Variants in SLC36A4 observed in about 807,000 individuals in gnomAD.
SLC36A4 encodes solute carrier family 36 member 4, also known as neutral amino acid uniporter 4.
Under a neutral mutation model 50.5 loss-of-function variants are expected in SLC36A4, and 49 were observed. That is an observed-to-expected ratio of 0.97 (90% CI 0.77 to 1.23). The LOEUF (loss-of-function observed/expected upper bound fraction) is 1.23. Ranked by LOEUF, SLC36A4 falls within the 50% of genes most tolerant of loss-of-function variation. SLC36A4 has a pLI of 0.00. For missense variants in SLC36A4, 611 were observed against 608.4 expected (o/e 1.00, Z -0.05); for synonymous variants, 207 against 206.5 (o/e 1.00, Z -0.02).
At chr11:93,159,589 C>A (rs1429902940) in intron 9 of SLC36A4, among the ~76,000 whole-genome samples, 1 of 152,130 alleles carries the variant, frequency 6.6e-6, no homozygotes, top group Non-Finnish European at 1.5e-5. Context: ...TTGCCAAGAG[C>A]CTCATCTCAT....
Position 93,188,929 on chromosome 11 carries a change from C to CCTT in SLC36A4, c.56-3118_56-3116dup, listed in dbSNP as rs570431880. On this transcript the variant is annotated intron_variant, in intron 1 of 10. Coordinates refer to ENST00000326402, the MANE Select transcript of SLC36A4 (RefSeq NM_152313.4). ...AGCTCTGTTCCAGGCAGGCCTCTCT[C>CCTT]CTTGGTTTATGGACAGTCATCTTCA... is the stretch of plus-strand genomic sequence containing the variant. Among the ~76,000 whole-genome samples, 660 of 152,184 alleles carry CCTT rather than the reference C, an allele frequency of 4.3e-3. 9 individuals carry two copies. Among genetic ancestry groups the CCTT allele is most frequent in the Non-Finnish European group, 4.8e-3 (327 of 67,998 alleles).
intron 6 of SLC36A4, among the ~76,000 whole-genome samples, chr11:93,179,354 T>A (rs896245683): frequency 6.6e-6 from 1 of 152,198 alleles, no homozygotes; most frequent in Non-Finnish European, 1.5e-5. Context: ...TTCATAAGGC[T>A]TGCTGTCTAG....
chr11:93,171,978 T>C (rs1861160972), intron 6 of SLC36A4: 1 of 152,154 alleles, frequency 6.6e-6, no homozygotes, highest in South Asian at 2.1e-4. Context: ...CATGGCTACT[T>C]GCTCTCGCTA....
chr11:93,145,465 C>G lies in SLC36A4; in HGVS notation c.*3072G>C, dbSNP rs1364448018. The stretch of plus-strand genomic sequence containing the variant: ...CTTATTTTCTTAATTGTAAAGAAAT[C>G]TGGCCATGTGGGGAAAAGAAGTCCC... On this transcript the variant is annotated 3_prime_UTR_variant, in exon 11 of 11. Coordinates refer to ENST00000326402, the MANE Select transcript of SLC36A4 (RefSeq NM_152313.4). The G allele has an allele frequency of 6.6e-6, 1 of 152,026 alleles. No homozygotes were observed. Among genetic ancestry groups the G allele is most frequent in the Non-Finnish European group, 1.5e-5 (1 of 67,978 alleles). 9.4% of individuals were successfully genotyped at this position (152,026 alleles called of 1,614,324 possible).
intron 6 of SLC36A4, among the ~76,000 whole-genome samples, chr11:93,179,595 C>T (rs1320188498): frequency 6.6e-6 from 1 of 152,088 alleles, no homozygotes; most frequent in South Asian, 2.1e-4. Flanking sequence ...ACATGGTACA[C>T]TGGAAAAAAA....
intron 8 of SLC36A4, among the ~76,000 whole-genome samples, chr11:93,163,532 A>G (rs1320524191): frequency 1.3e-5 from 2 of 152,180 alleles, no homozygotes; most frequent in African/African-American, 4.8e-5. Flanking sequence ...TTAGAGAAGG[A>G]TAACCTAGAG....
chr11:93,190,057 T>C (rs1862149568), intron 1 of SLC36A4, among the ~76,000 whole-genome samples: 1 of 152,214 alleles, frequency 6.6e-6, no homozygotes, highest in Admixed American at 6.5e-5. Context: ...CTATCATATT[T>C]ATTTAACTTT....
chr11:93,190,698 G>A (rs1483609841), intron 1 of SLC36A4, among the ~76,000 whole-genome samples: 1 of 152,168 alleles, frequency 6.6e-6, no homozygotes, highest in Non-Finnish European at 1.5e-5. Flanking sequence ...CATGCAATGT[G>A]ACGTTACTAG....
At chr11:93,179,848 T>A (rs1304051573) in intron 6 of SLC36A4, among the ~76,000 whole-genome samples, 1 of 152,190 alleles carries the variant, frequency 6.6e-6, no homozygotes, top group Non-Finnish European at 1.5e-5. Context: ...ATGGCTGAAC[T>A]CAGTAGTTAC....
At chr11:93,183,718 GAC>G (rs1256650817) in intron 3 of SLC36A4, among the ~76,000 whole-genome samples, 10 of 149,058 alleles carry the variant, frequency 6.7e-5, no homozygotes, top group Admixed American at 2.0e-4. Context: ...TTTTTTTTGA[GAC>G]AGAGTCTTGC....
At chr11:93,193,140 G>C (rs1305486089) in intron 1 of SLC36A4, 2 of 510,140 alleles carry the variant, frequency 3.9e-6, no homozygotes, top group Non-Finnish European at 2.5e-6. Flanking sequence ...GAAATAATTT[G>C]ATAATAATTA....
chr11:93,162,678 T>C, intron 9 of SLC36A4, 28 bp downstream of exon 9: 1 of 1,535,818 alleles, frequency 6.5e-7, no homozygotes, highest in African/African-American at 1.4e-5. Flanking sequence ...ATATATAAAC[T>C]AATATTGACA....
chr11:93,179,255 A>G lies in SLC36A4; in HGVS notation c.540+1542T>C, dbSNP rs528878513. Among the ~76,000 whole-genome samples, 51 of 152,336 alleles carry G rather than the reference A, an allele frequency of 3.3e-4. 1 individual carries two copies. The South Asian group carries it at 0.01, about 31-fold the overall frequency. On this transcript the variant is annotated intron_variant, in intron 6 of 10. Coordinates refer to ENST00000326402, the MANE Select transcript of SLC36A4 (RefSeq NM_152313.4). ...GTCCAGTGAGTTCATTTTCCTTCAG[A>G]GCCAATAACCATACTGGGTACTGAT...
Position 93,148,797 on chromosome 11 carries a change from C to A in SLC36A4, c.1255G>T (p.Val419Phe), listed in dbSNP as rs138573173. 6.2e-7 allele frequency: 1 copy of A among 1,612,646 alleles called. No individual in the cohort carries two copies. The highest frequency in any genetic ancestry group is 2.2e-5 in the East Asian group (1 of 44,812). Residue 419 changes from valine to phenylalanine, a missense_variant, in exon 11 of 11, where the codon GTT becomes TTT. Coordinates refer to ENST00000326402, the MANE Select transcript of SLC36A4 (RefSeq NM_152313.4). ...IPRLDIVISF[V>F]GAVSSSTLAL... ...AATGTGCTGCTGCTCACAGCTCCAA[C>A]GAAGGAAATCACAATGTCTAAACGA...
At chr11:93,161,800 C>T (rs191703584) in intron 9 of SLC36A4, among the ~76,000 whole-genome samples, 14 of 152,250 alleles carry the variant, frequency 9.2e-5, no homozygotes, top group Admixed American at 3.3e-4. Flanking sequence ...TACCTTCCAT[C>T]TTGTAAATAA....
rs996969728 is a variant in SLC36A4, at chr11:93,166,337, C to T, written c.769-321G>A. The T allele has an allele frequency of 2.1e-5, 22 of 1,046,038 alleles. No individual in the cohort carries two copies. In the African/African-American group the frequency reaches 3.5e-4, roughly 17 times the overall value. The allele number at this position is 1,046,038 out of a possible 1,614,324, so 64.8% of individuals were successfully genotyped here. A position where few individuals can be genotyped will look rare whatever the true frequency, so the allele number is the denominator to read the frequency against. On this transcript the variant is annotated intron_variant, in intron 7 of 10. Transcript: ENST00000326402. Reference sequence around the variant, plus strand: ...TGCCACAACAGGAAATACATAAGCACACTCAAGGCCTAAGCTGAGAGCCAT... The same window carrying T: ...TGCCACAACAGGAAATACATAAGCATACTCAAGGCCTAAGCTGAGAGCCAT...
At chr11:93,182,764 A>G (rs1357388224) in intron 4 of SLC36A4, 42 bp downstream of exon 4, 1 of 1,431,022 alleles carries the variant, frequency 7.0e-7, no homozygotes, top group South Asian at 1.2e-5. Flanking sequence ...TGTAAATAAA[A>G]GATAGCTTTA....
At chr11:93,183,751 G>A (rs1861847547) in intron 3 of SLC36A4, among the ~76,000 whole-genome samples, 1 of 151,312 alleles carries the variant, frequency 6.6e-6, no homozygotes, top group Admixed American at 6.6e-5. Context: ...AGGCTGGAGT[G>A]CAGTGGCGCA....
intron 6 of SLC36A4, among the ~76,000 whole-genome samples, chr11:93,170,429 C>T (rs1861078790): frequency 6.6e-6 from 1 of 151,972 alleles, no homozygotes; most frequent in Non-Finnish European, 1.5e-5. Context: ...TTTACAAAGG[C>T]TTTCATAAAC....
Sources: allele counts gnomAD v4.1 joint callset (sites outside exome capture counted in the v4.1 genomes callset), GRCh38; gene constraint gnomAD v4.1.1; transcripts MANE v1.5; gene names NCBI Gene and HGNC (gene_info 2026-07-23, HGNC 2026-07-21).